Variants in PPP1R12A observed in about 807,000 individuals in gnomAD.
PPP1R12A encodes the protein myosin binding subunit.
A neutral mutation model predicts 139.6 loss-of-function variants in PPP1R12A; 19 were observed. That is an observed-to-expected ratio of 0.14 (90% CI 0.09 to 0.20). PPP1R12A has a LOEUF of 0.20. Among genes scored for constraint, PPP1R12A ranks in the 10% least tolerant of loss-of-function variants. PPP1R12A has a pLI of 1.00. For missense variants in PPP1R12A, 925 were observed against 1,211.5 expected, an observed-to-expected ratio of 0.76 and a Z score of 3.51; for synonymous variants, 427 against 420.6, an observed-to-expected ratio of 1.02 and a Z score of -0.19.
chr12:79,881,020 G>C (rs1240755555), intron 1 of PPP1R12A, among the ~76,000 whole-genome samples: 2 of 152,052 alleles, frequency 1.3e-5, no homozygotes, highest in Non-Finnish European at 2.9e-5. Flanking sequence ...ATAGAAGATG[G>C]TGAACTTAAT....
At chr12:79,778,093 T>C (rs1869959951) in intron 24 of PPP1R12A, among the ~76,000 whole-genome samples, 1 of 152,156 alleles carries the variant, frequency 6.6e-6, no homozygotes, top group African/African-American at 2.4e-5. Context: ...TGGAGTTTGA[T>C]AAAATACAGC....
intron 1 of PPP1R12A, among the ~76,000 whole-genome samples, chr12:79,874,545 A>C (rs1882916405): frequency 1.3e-5 from 2 of 152,098 alleles, no homozygotes; most frequent in South Asian, 4.1e-4. Flanking sequence ...AAATGAATTA[A>C]TTGTATTTTA....
At chr12:79,827,820 T>C (rs117644671) in intron 5 of PPP1R12A, among the ~76,000 whole-genome samples, 382 of 152,232 alleles carry the variant, frequency 2.5e-3, no homozygotes, top group Non-Finnish European at 2.8e-3. Context: ...ATGATCCCCT[T>C]TGGCATAAAA....
intron 1 of PPP1R12A, among the ~76,000 whole-genome samples, chr12:79,908,074 T>C (rs1419211629): frequency 6.6e-6 from 1 of 152,206 alleles, no homozygotes; most frequent in Non-Finnish European, 1.5e-5. Context: ...GATTTCTTCA[T>C]AAGAATGGGT....
intron 1 of PPP1R12A, among the ~76,000 whole-genome samples, chr12:79,921,402 CAAA>C (rs34785968): frequency 6.6e-6 from 1 of 152,036 alleles, no homozygotes; most frequent in Admixed American, 6.6e-5. Context: ...AAGAAACTGA[CAAA>C]AAGGTACACT....
intron 2 of PPP1R12A, among the ~76,000 whole-genome samples, chr12:79,868,461 G>A (rs1769183630): frequency 6.6e-6 from 1 of 152,044 alleles, no homozygotes; most frequent in Admixed American, 6.5e-5. Context: ...CACACACTGG[G>A]TGGCTTAAAC....
Position 79,817,367 on chromosome 12 carries a change from T to C in PPP1R12A, c.1239+27A>G, listed in dbSNP as rs779503071. The C allele has an allele frequency of 2.5e-6, 4 of 1,600,902 alleles. No individual in the cohort carries two copies. In the South Asian group the frequency reaches 4.5e-5, roughly 18 times the overall value. On this transcript the variant is annotated intron_variant, in intron 9 of 24. Transcript: ENST00000450142. ...GTGGTACATAAATAGAATACATGTA[T>C]TTTCAGCAAATACAATTTTGGCTTA...
intron 5 of PPP1R12A, chr12:79,823,704 C>T (rs1257680834): frequency 6.6e-6 from 1 of 152,262 alleles, no homozygotes; most frequent in Non-Finnish European, 1.5e-5. Context: ...AGGTGATCCT[C>T]CCACTTCAGC....
At chr12:79,845,214 T>G (rs1879236567) in intron 3 of PPP1R12A, 88 bp downstream of exon 3, 2 of 931,490 alleles carry the variant, frequency 2.1e-6, no homozygotes, top group Admixed American at 2.2e-5. Flanking sequence ...AAATTATGAT[T>G]GCCCTTCAAT....
chr12:79,844,163 A>G (rs1000394404), intron 3 of PPP1R12A, among the ~76,000 whole-genome samples: 1 of 152,040 alleles, frequency 6.6e-6, no homozygotes, highest in Admixed American at 6.5e-5. Context: ...ACTTTAGAAT[A>G]CTCATCACTC....
In PPP1R12A at chr12:79,809,840, T is replaced by C. The variant is rs184111440; in HGVS notation, c.1410A>G (p.Ser470=). The C allele has an allele frequency of 9.3e-6, 15 of 1,613,560 alleles. No individual in the cohort carries two copies. Among genetic ancestry groups the C allele is most frequent in the Non-Finnish European group, 1.2e-5 (14 of 1,179,658 alleles). Reference sequence around the variant, plus strand: ...AGGAGGAAAGTCTGGGACTTGAAGCTGAACGTGTAACACCTGCAGTATCTT... The same window carrying C: ...AGGAGGAAAGTCTGGGACTTGAAGCCGAACGTGTAACACCTGCAGTATCTT... The part of the protein sequence containing the change: ...KEKDTAGVTR[S]ASSPRLSSSL... Residue 470 remains serine, a synonymous_variant, in exon 10 of 25, where the codon TCA becomes TCG. Coordinates refer to ENST00000450142, the MANE Select transcript of PPP1R12A (RefSeq NM_002480.3).
intron 3 of PPP1R12A, among the ~76,000 whole-genome samples, chr12:79,841,782 T>C (rs1173454685): frequency 6.6e-6 from 1 of 152,202 alleles, no homozygotes; most frequent in East Asian, 1.9e-4. Flanking sequence ...TGTGATGCTT[T>C]ATACTTATTC....
intron 3 of PPP1R12A, among the ~76,000 whole-genome samples, chr12:79,841,943 T>G (rs1361327799): frequency 2.6e-5 from 4 of 152,216 alleles, no homozygotes; most frequent in Non-Finnish European, 4.4e-5. Context: ...TAGTTATATT[T>G]AATCACTTTT....
intron 2 of PPP1R12A, among the ~76,000 whole-genome samples, chr12:79,865,673 AACAG>A: frequency 6.6e-6 from 1 of 152,104 alleles, no homozygotes; most frequent in Middle Eastern, 3.4e-3. Context: ...TATACACCAA[AACAG>A]ACAAACAGAG....
intron 1 of PPP1R12A, among the ~76,000 whole-genome samples, chr12:79,884,319 C>A (rs576247587): frequency 6.6e-6 from 1 of 152,070 alleles, no homozygotes; most frequent in Non-Finnish European, 1.5e-5. Flanking sequence ...ACTTTTAAGT[C>A]GACATAAGAA....
At chr12:79,791,784 A>C (rs987419192) in intron 19 of PPP1R12A, among the ~76,000 whole-genome samples, 1 of 152,180 alleles carries the variant, frequency 6.6e-6, no homozygotes, top group Non-Finnish European at 1.5e-5. Flanking sequence ...TGCAAAAATA[A>C]AACTCTATAT....
At position 79,774,479 on chromosome 12, in the gene PPP1R12A, A is replaced by G. The variant is rs1195126763; in HGVS notation, c.*1450T>C. 6.6e-6 allele frequency: 1 copy of G among 152,568 alleles called. No homozygotes were observed. The highest frequency in any genetic ancestry group is 2.4e-5 in the African/African-American group (1 of 41,434). The allele number at this position is 152,568 out of a possible 1,614,324, so 9.5% of individuals were successfully genotyped here. On this transcript the variant is annotated 3_prime_UTR_variant, in exon 25 of 25. Transcript: ENST00000450142. ...GCTACTATAAGCTTTACAATGTACA[A>G]TTTATTCAAATGGCTGAACTGTTCA...
At chr12:79,898,900 A>T (rs1184439873) in intron 1 of PPP1R12A, among the ~76,000 whole-genome samples, 1 of 152,158 alleles carries the variant, frequency 6.6e-6, no homozygotes, top group African/African-American at 2.4e-5. Flanking sequence ...TCCTTATGCT[A>T]CCTTCCATAT....
rs576788824 is a variant in PPP1R12A, at chr12:79,792,423, C to T, written c.2649+1440G>A. 3.3e-5 allele frequency among the ~76,000 whole-genome samples: 5 copies of T among 152,222 alleles called. No homozygotes were observed. In the South Asian group the frequency reaches 8.3e-4, roughly 25 times the overall value. ...TGCAGAATATAACTGGAGTACAATA[C>T]ATTTTCTTTGTTTAATCCAGTTTGA... On this transcript the variant is annotated intron_variant, in intron 19 of 24. Coordinates refer to ENST00000450142, the MANE Select transcript of PPP1R12A (RefSeq NM_002480.3).
Sources: allele counts gnomAD v4.1 joint callset (sites outside exome capture counted in the v4.1 genomes callset), GRCh38; gene constraint gnomAD v4.1.1; transcripts MANE v1.5; gene names NCBI Gene and HGNC (gene_info 2026-07-23, HGNC 2026-07-21).